Variants in ARHGAP15 observed in about 807,000 individuals in gnomAD.
The protein encoded by ARHGAP15 is rho GTPase-activating protein 15.
A neutral mutation model predicts 63.7 loss-of-function variants in ARHGAP15; 51 were observed. That is an observed-to-expected ratio of 0.80 (90% confidence interval 0.64 to 1.01). The LOEUF is 1.01. Ranked by LOEUF, ARHGAP15 falls within the 50% of genes least tolerant of loss-of-function variation. ARHGAP15 has a pLI of 0.00. For synonymous variants in ARHGAP15, 191 were observed against 193.8 expected (o/e 0.99, Z 0.12); for missense variants, 560 against 564.6 (o/e 0.99, Z 0.08).
chr2:143,662,611 T>C (rs1179252868), intron 12 of ARHGAP15, among the ~76,000 whole-genome samples: 2 of 108,260 alleles, frequency 1.8e-5, no homozygotes, highest in Admixed American at 2.2e-4. Context: ...ACGATCAAAT[T>C]ACTCTGAGCT....
At chr2:143,182,453 T>G (rs575971178) in intron 2 of ARHGAP15, among the ~76,000 whole-genome samples, 12 of 152,184 alleles carry the variant, frequency 7.9e-5, no homozygotes, top group Admixed American at 5.9e-4. Context: ...TCTGTACTTA[T>G]ATTTTCCTTC....
intron 11 of ARHGAP15, among the ~76,000 whole-genome samples, chr2:143,560,833 G>C (rs1329322037): frequency 6.6e-6 from 1 of 152,218 alleles, no homozygotes; most frequent in Non-Finnish European, 1.5e-5. Flanking sequence ...TTGGGAAAGG[G>C]ATCGAGGATT....
intron 12 of ARHGAP15, among the ~76,000 whole-genome samples, chr2:143,633,471 G>A (rs1680153232): frequency 6.6e-6 from 1 of 152,096 alleles, no homozygotes; most frequent in Admixed American, 6.6e-5. Flanking sequence ...TAATTGAGTG[G>A]TAAGACATCA....
intron 9 of ARHGAP15, among the ~76,000 whole-genome samples, chr2:143,501,922 G>A (rs183253342): frequency 4.0e-4 from 61 of 152,284 alleles, no homozygotes; most frequent in African/African-American, 1.5e-3. Context: ...TGAAGAACAG[G>A]ATGGGAAGCA....
chr2:143,201,091 A>G (rs1692096944), intron 2 of ARHGAP15, among the ~76,000 whole-genome samples: 1 of 151,934 alleles, frequency 6.6e-6, no homozygotes, highest in East Asian at 1.9e-4. Flanking sequence ...AAAGGCAATC[A>G]TCGGGAGTTC....
intron 9 of ARHGAP15, among the ~76,000 whole-genome samples, chr2:143,512,237 A>G (rs959169666): frequency 1.3e-5 from 2 of 152,208 alleles, no homozygotes; most frequent in African/African-American, 4.8e-5. Context: ...TCTCTCATAA[A>G]AAGAGGGTTC....
rs193224543 is a variant in ARHGAP15 at position 143,145,733 on chromosome 2, C to T, written c.-14-9744C>T. Among the ~76,000 whole-genome samples, 71 of 152,016 alleles carry T rather than the reference C, an allele frequency of 4.7e-4. 1 individual carries two copies. The highest frequency in any genetic ancestry group is 1.7e-3 in the African/African-American group (70 of 41,484). On this transcript the variant is annotated intron_variant, in intron 1 of 13. Coordinates refer to ENST00000295095, the MANE Select transcript of ARHGAP15 (RefSeq NM_018460.4). ...TTTCAAACTGAACCTTTCGTCACCACGTGTGGCTAGGAGAGCTCTCCAGAA... is the reference window on the plus strand; with the variant it reads ...TTTCAAACTGAACCTTTCGTCACCATGTGTGGCTAGGAGAGCTCTCCAGAA...
intron 12 of ARHGAP15, among the ~76,000 whole-genome samples, chr2:143,658,726 A>C (rs774427742): frequency 4.2e-4 from 64 of 152,314 alleles, no homozygotes; most frequent in Non-Finnish European, 6.9e-4. Flanking sequence ...GTAGCAACAC[A>C]AACCATGTCC....
intron 2 of ARHGAP15, among the ~76,000 whole-genome samples, chr2:143,188,397 A>G (rs1468577096): frequency 2.0e-5 from 3 of 151,864 alleles, no homozygotes; most frequent in Admixed American, 6.6e-5. Flanking sequence ...TTCCAAAAAT[A>G]TCAACAAAAT....
intron 6 of ARHGAP15, among the ~76,000 whole-genome samples, chr2:143,415,581 G>A (rs1351009630): frequency 6.6e-6 from 1 of 152,096 alleles, no homozygotes; most frequent in African/African-American, 2.4e-5. Flanking sequence ...CTATCATGTT[G>A]ATAAATATTA....
intron 6 of ARHGAP15, among the ~76,000 whole-genome samples, chr2:143,431,076 A>G (rs1474853655): frequency 6.6e-6 from 1 of 152,096 alleles, no homozygotes; most frequent in African/African-American, 2.4e-5. Context: ...GTTTTTGGAA[A>G]GAAAAATCAG....
intron 12 of ARHGAP15, among the ~76,000 whole-genome samples, chr2:143,653,987 A>G (rs1184274701): frequency 6.6e-6 from 1 of 152,210 alleles, no homozygotes; most frequent in Non-Finnish European, 1.5e-5. Context: ...TGACATGATT[A>G]GATTTGAAAT....
intron 2 of ARHGAP15, among the ~76,000 whole-genome samples, chr2:143,196,555 TTAA>T (rs1208421513): frequency 7.5e-4 from 114 of 152,126 alleles, no homozygotes; most frequent in Non-Finnish European, 2.2e-4. Context: ...AATGAAACTC[TTAA>T]TAAACAGATC....
intron 6 of ARHGAP15, among the ~76,000 whole-genome samples, chr2:143,338,745 A>C (rs1335373683): frequency 1.3e-5 from 2 of 152,178 alleles, no homozygotes; most frequent in Non-Finnish European, 2.9e-5. Flanking sequence ...TCTATCAGGG[A>C]AAAGAAAGAT....
At chr2:143,687,503 A>G (rs1385228804) in intron 12 of ARHGAP15, among the ~76,000 whole-genome samples, 2 of 152,174 alleles carry the variant, frequency 1.3e-5, no homozygotes, top group African/African-American at 4.8e-5. Flanking sequence ...AAGGCATTTT[A>G]TATCTTCTGT....
At chr2:143,560,847 G>A (rs557346851) in intron 11 of ARHGAP15, among the ~76,000 whole-genome samples, 1 of 152,178 alleles carries the variant, frequency 6.6e-6, no homozygotes, top group Non-Finnish European at 1.5e-5. Flanking sequence ...GAGGATTCTC[G>A]ATTTACTAGG....
At chr2:143,664,587 TAG>T (rs1682044500) in intron 12 of ARHGAP15, among the ~76,000 whole-genome samples, 1 of 150,016 alleles carries the variant, frequency 6.7e-6, no homozygotes, top group Non-Finnish European at 1.5e-5. Flanking sequence ...CTGAAGGAAA[TAG>T]AGACACAAAA....
chr2:143,750,221 C>T (rs1231012670), intron 13 of ARHGAP15, among the ~76,000 whole-genome samples: 2 of 152,214 alleles, frequency 1.3e-5, no homozygotes, highest in Non-Finnish European at 2.9e-5. Flanking sequence ...AGGCAGATCA[C>T]CTGAGGTCAG....
At chr2:143,149,411 T>G (rs193263006) in intron 1 of ARHGAP15, among the ~76,000 whole-genome samples, 67 of 152,152 alleles carry the variant, frequency 4.4e-4, no homozygotes, top group African/African-American at 1.6e-3. Context: ...TGGCAACCTA[T>G]GTCTTCCAGA....
Sources: gnomAD v4.1 joint callset for allele counts (sites outside exome capture counted in the v4.1 genomes callset) on GRCh38, gnomAD v4.1.1 for gene constraint, MANE v1.5 for transcripts, NCBI Gene and HGNC (gene_info 2026-07-23, HGNC 2026-07-21) for gene names.